The following STXBP5L variants were observed in gnomAD, a reference collection of about 807,000 sequenced individuals.
STXBP5L encodes the protein syntaxin-binding protein 5-like.
A neutral mutation model predicts 144.5 loss-of-function variants in STXBP5L; 65 were observed. The ratio of observed to expected loss-of-function variants is 0.45; its 90% confidence interval spans 0.37 to 0.55. STXBP5L has a LOEUF of 0.55. Among genes scored for constraint, STXBP5L ranks in the 20% least tolerant of loss-of-function variants. STXBP5L has a pLI of 0.00. For synonymous variants in STXBP5L, 505 were observed against 469.6 expected (o/e 1.08, Z -0.97); for missense variants, 1,298 against 1,405.5 (o/e 0.92, Z 1.22).
At chr3:121,383,138 T>A (rs769089137) in intron 22 of STXBP5L, among the ~76,000 whole-genome samples, 1 of 151,818 alleles carries the variant, frequency 6.6e-6, no homozygotes, top group Non-Finnish European at 1.5e-5. Flanking sequence ...TTTTTAAATA[T>A]ATATATTTTT....
chr3:121,357,958 T>C (rs1040481158), intron 20 of STXBP5L: 3 of 152,214 alleles, frequency 2.0e-5, no homozygotes, highest in Admixed American at 6.6e-5. Flanking sequence ...TTTTTTTCTT[T>C]TTTAAAAATC....
chr3:121,046,154 A>G (rs990747860), intron 5 of STXBP5L, among the ~76,000 whole-genome samples: 3 of 152,032 alleles, frequency 2.0e-5, no homozygotes, highest in African/African-American at 7.2e-5. Flanking sequence ...CTGTTTATGT[A>G]GTAGATCGCA....
chr3:121,119,447 G>T (rs1044861136), intron 6 of STXBP5L, among the ~76,000 whole-genome samples: 4 of 151,320 alleles, frequency 2.6e-5, no homozygotes, highest in African/African-American at 7.2e-5. Context: ...GATATGGGAA[G>T]ATAATGAAAA....
At chr3:121,079,995 TG>T (rs2042183786) in intron 5 of STXBP5L, among the ~76,000 whole-genome samples, 1 of 152,240 alleles carries the variant, frequency 6.6e-6, no homozygotes, top group Non-Finnish European at 1.5e-5. Flanking sequence ...TTAATATATT[TG>T]GGAGCTCCAG....
intron 19 of STXBP5L, among the ~76,000 whole-genome samples, chr3:121,283,227 T>C (rs978513675): frequency 3.3e-5 from 5 of 152,026 alleles, no homozygotes; most frequent in Non-Finnish European, 5.9e-5. Context: ...CCTTCAGACC[T>C]CACCAGTTCA....
intron 19 of STXBP5L, among the ~76,000 whole-genome samples, chr3:121,298,156 T>C (rs2051734974): frequency 6.6e-6 from 1 of 152,226 alleles, no homozygotes; most frequent in African/African-American, 2.4e-5. Context: ...TTTTCTGTTT[T>C]TGTTTGTTTG....
intron 5 of STXBP5L, among the ~76,000 whole-genome samples, chr3:121,057,838 C>CT (rs1948567916): frequency 1.3e-5 from 2 of 151,918 alleles, no homozygotes; most frequent in South Asian, 4.2e-4. Flanking sequence ...TTTTATATCT[C>CT]TTTTTTCTAT....
At chr3:121,041,837 C>A in intron 4 of STXBP5L, 56 bp downstream of exon 4, 2 of 1,129,996 alleles carry the variant, frequency 1.8e-6, no homozygotes, top group African/African-American at 1.5e-5. Context: ...CACAGTGAAT[C>A]AGTTAATGTA....
intron 20 of STXBP5L, among the ~76,000 whole-genome samples, chr3:121,370,955 T>C (rs2046011504): frequency 6.6e-6 from 1 of 152,244 alleles, no homozygotes; most frequent in Non-Finnish European, 1.5e-5. Flanking sequence ...TTCAACATTC[T>C]TCTGAATCTT....
At chr3:120,987,861 TG>T (rs1443503672) in intron 3 of STXBP5L, among the ~76,000 whole-genome samples, 1 of 151,934 alleles carries the variant, frequency 6.6e-6, no homozygotes, top group Non-Finnish European at 1.5e-5. Flanking sequence ...TGGAAGTTTT[TG>T]TGACAAATTC....
At chr3:121,076,641 C>G (rs1349637712) in intron 5 of STXBP5L, among the ~76,000 whole-genome samples, 1 of 152,136 alleles carries the variant, frequency 6.6e-6, no homozygotes, top group African/African-American at 2.4e-5. Context: ...CCAATTATCT[C>G]CCTGTCTATT....
At chr3:121,109,063 G>A (rs890993624) in intron 5 of STXBP5L, among the ~76,000 whole-genome samples, 2 of 152,056 alleles carry the variant, frequency 1.3e-5, no homozygotes, top group Non-Finnish European at 2.9e-5. Flanking sequence ...TCTGATAGTT[G>A]TTTGCATTTC....
At chr3:121,384,957 T>C (rs2046394568) in intron 22 of STXBP5L, among the ~76,000 whole-genome samples, 2 of 152,158 alleles carry the variant, frequency 1.3e-5, no homozygotes, top group South Asian at 4.1e-4. Context: ...CTGCCAACTA[T>C]AAATTATTCT....
chr3:121,347,747 G>C (rs1355613941), intron 20 of STXBP5L, among the ~76,000 whole-genome samples: 1 of 151,520 alleles, frequency 6.6e-6, no homozygotes, highest in Non-Finnish European at 1.5e-5. Flanking sequence ...CTCATGATTT[G>C]GCTCTCTTTT....
chr3:121,320,187 CGGTA>C (rs2043923434), intron 20 of STXBP5L, among the ~76,000 whole-genome samples: 1 of 151,872 alleles, frequency 6.6e-6, no homozygotes, highest in South Asian at 2.1e-4. Flanking sequence ...TACTTTCTTT[CGGTA>C]ATATTTTTGG....
chr3:121,035,016 G>T (rs980376402), intron 3 of STXBP5L, among the ~76,000 whole-genome samples: 2 of 151,952 alleles, frequency 1.3e-5, no homozygotes, highest in African/African-American at 4.8e-5. Flanking sequence ...GTAGGTCTTT[G>T]TTTGGAAAAA....
intron 4 of STXBP5L, among the ~76,000 whole-genome samples, chr3:121,042,985 G>A (rs1947263478): frequency 6.6e-6 from 1 of 151,680 alleles, no homozygotes; most frequent in Non-Finnish European, 1.5e-5. Context: ...CCTTCTGCAT[G>A]GATGTATACT....
intron 3 of STXBP5L, among the ~76,000 whole-genome samples, chr3:120,978,886 T>C (rs1941409276): frequency 6.6e-6 from 1 of 152,174 alleles, no homozygotes; most frequent in Non-Finnish European, 1.5e-5. Flanking sequence ...AATGCTGCTG[T>C]CTGATCGTTC....
intron 19 of STXBP5L, among the ~76,000 whole-genome samples, chr3:121,317,872 A>G (rs1214996059): frequency 6.6e-6 from 1 of 152,080 alleles, no homozygotes; most frequent in Non-Finnish European, 1.5e-5. Flanking sequence ...ATACAATACT[A>G]CATTTTTATA....
Sources: allele counts gnomAD v4.1 joint callset (sites outside exome capture counted in the v4.1 genomes callset), GRCh38; gene constraint gnomAD v4.1.1; transcripts MANE v1.5; gene names NCBI Gene and HGNC (gene_info 2026-07-23, HGNC 2026-07-21).